The following ARHGAP33 variants were observed in gnomAD, a reference collection of about 807,000 sequenced individuals.
ARHGAP33 encodes rho GTPase-activating protein 33.
A neutral mutation model predicts 126.2 loss-of-function variants in ARHGAP33; 57 were observed. The ratio of observed to expected loss-of-function variants is 0.45; its 90% CI spans 0.36 to 0.56. The LOEUF is 0.56. Among genes scored for constraint, ARHGAP33 ranks in the 20% least tolerant of loss-of-function variants. The pLI is 0.00. For synonymous variants in ARHGAP33, 711 were observed against 755.0 expected (o/e 0.94, Z 0.95); for missense variants, 1,500 against 1,748.3 (o/e 0.86, Z 2.53).
At chr19:35,778,229 G>A (rs1240415711) in intron 3 of ARHGAP33, 51 bp from the exon 4 acceptor site, 1 of 1,592,234 alleles carries the variant, frequency 6.3e-7, no homozygotes, top group South Asian at 1.1e-5. Context: ...CCATCCCCAG[G>A]AGGTCAGGAC....
chr19:35,778,795 T>C (rs1005961185), intron 5 of ARHGAP33, 194 bp downstream of exon 5: 7 of 990,946 alleles, frequency 7.1e-6, no homozygotes, highest in Middle Eastern at 3.2e-4. Context: ...TTTAGGATCA[T>C]GGGGAGTTCC....
Position 35,782,561 on chromosome 19 carries a change from T to C in ARHGAP33, c.1231-36T>C, listed in dbSNP as rs772270303. On this transcript the variant is annotated intron_variant, in intron 13 of 20. Transcript: ENST00000007510. The surrounding 1 kb of genome is among the most constrained non-coding windows in gnomAD (Gnocchi z 4.1). ...GGGACGGAGGGGGCCGGGACGCCTC[T>C]GGCCCAGACCTCATCACACCTGCCC... 1 of 1,613,686 alleles carries C rather than the reference T, an allele frequency of 6.2e-7. No individual in the cohort carries two copies. Among genetic ancestry groups the C allele is most frequent in the South Asian group, 1.1e-5 (1 of 90,992 alleles).
In ARHGAP33 at chr19:35,788,311, A is replaced by G. The variant is rs757034352; in HGVS notation, c.3746A>G (p.His1249Arg). ...GCCTACGGAAGGGGGGGCGAGCTCCACCGAGGGTCCTTGTACAGAAATGGA... is the reference window on the plus strand; with the variant it reads ...GCCTACGGAAGGGGGGGCGAGCTCCGCCGAGGGTCCTTGTACAGAAATGGA... ...PPAYGRGGEL[H>R]RGSLYRNGGQ... Residue 1249 changes from histidine to arginine, a missense_variant, in exon 21 of 21, where the codon CAC becomes CGC. Physicochemically the swap from His to Arg is conservative, Grantham distance 29 (BLOSUM62 0). This residue lies in a region of ARHGAP33 where 642 missense variants were observed against 634.0 expected (regional missense o/e 1.01). Coordinates refer to ENST00000007510, the MANE Select transcript of ARHGAP33 (RefSeq NM_001366178.1). 86 of 1,608,574 alleles carry G rather than the reference A, an allele frequency of 5.3e-5. No homozygotes were observed. The highest frequency in any genetic ancestry group is 6.6e-5 in the Non-Finnish European group (78 of 1,178,460).
Position 35,785,175 on chromosome 19 carries a change from C to G in ARHGAP33, c.1722-14C>G. On this transcript the variant is annotated splice_polypyrimidine_tract_variant and intron_variant, in intron 17 of 20. Transcript: ENST00000007510. ...GTTCCTCAGACGGCCTCCTGTTTCT[C>G]CCCCAAACCGCAGGAGGAAAGGGGA... is the stretch of plus-strand genomic sequence containing the variant. 1 of 1,575,756 alleles carries G rather than the reference C, an allele frequency of 6.3e-7. No individual in the cohort carries two copies. The highest frequency in any genetic ancestry group is 8.6e-7 in the Non-Finnish European group (1 of 1,156,780).
At chr19:35,780,157 C>T in intron 6 of ARHGAP33, 54 bp from the exon 7 acceptor site, 1 of 1,598,312 alleles carries the variant, frequency 6.3e-7, no homozygotes, top group Non-Finnish European at 8.5e-7. Flanking sequence ...CTTGGTATGC[C>T]TGCACTAACA....
chr19:35,784,928 G>C, intron 16 of ARHGAP33, 25 bp from the exon 17 acceptor site: 1 of 1,527,398 alleles, frequency 6.5e-7, no homozygotes, highest in Non-Finnish European at 8.8e-7. Flanking sequence ...AGAGCTGACA[G>C]CTGCCCCCTT....
In ARHGAP33 at chr19:35,786,246, C is replaced by T. The variant is rs1295357793; in HGVS notation, c.1943-167C>T. On this transcript the variant is annotated intron_variant, in intron 19 of 20. Coordinates refer to ENST00000007510, the MANE Select transcript of ARHGAP33 (RefSeq NM_001366178.1). The surrounding 1 kb of genome is among the most constrained non-coding windows in gnomAD (Gnocchi z 7.0). Reference sequence around the variant, plus strand: ...AGCCACAGGGCCTTCGTGCTTTGGGCCGGAAGTGTCCTCTTCATGGTCTCC... The same window carrying T: ...AGCCACAGGGCCTTCGTGCTTTGGGTCGGAAGTGTCCTCTTCATGGTCTCC... 13 of 1,425,062 alleles carry T rather than the reference C, an allele frequency of 9.1e-6. No individual in the cohort carries two copies. The East Asian group carries it at 2.8e-4, about 30-fold the overall frequency. 88.3% of individuals were successfully genotyped at this position (1,425,062 alleles called of 1,614,324 possible).
At chr19:35,781,299 C>A in intron 12 of ARHGAP33, 47 bp downstream of exon 12, 2 of 1,572,002 alleles carry the variant, frequency 1.3e-6, no homozygotes, top group Non-Finnish European at 1.8e-6. Flanking sequence ...ACTCACCCAG[C>A]ACCTCCACTC....
At position 35,786,045 on chromosome 19, in the gene ARHGAP33, G is replaced by C. The variant is rs750993385; in HGVS notation, c.1943-368G>C. On this transcript the variant is annotated intron_variant, in intron 19 of 20. Coordinates refer to ENST00000007510, the MANE Select transcript of ARHGAP33 (RefSeq NM_001366178.1). The surrounding 1 kb of genome is among the most constrained non-coding windows in gnomAD (Gnocchi z 7.0). ...CTGGGTGCTGCTCTCCGACCTCTGC[G>C]GGGGGCTGCTTATCCACCCCACCCA... The C allele has an allele frequency of 3.5e-6, 4 of 1,152,700 alleles. No individual in the cohort carries two copies. In the Admixed American group the frequency reaches 1.3e-4, roughly 38 times the overall value. The allele number at this position is 1,152,700 out of a possible 1,614,324, so 71.4% of individuals were successfully genotyped here.
chr19:35,781,475 C>T (rs879509532), intron 12 of ARHGAP33, among the ~76,000 whole-genome samples: 1 of 152,172 alleles, frequency 6.6e-6, no homozygotes, highest in Non-Finnish European at 1.5e-5. Context: ...GCACTGGGGA[C>T]GCAGCAGTGA....
intron 1 of ARHGAP33, among the ~76,000 whole-genome samples, chr19:35,776,970 G>A (rs145689925): frequency 1.3e-5 from 2 of 152,316 alleles, no homozygotes; most frequent in African/African-American, 4.8e-5. Flanking sequence ...CCAGGGAAAG[G>A]TGGGGCGAGT....
rs761041538 is a variant in ARHGAP33 at position 35,782,412 on chromosome 19, C to G, written c.1125C>G (p.Gly375=). The change falls in exon 13 of 21, where the codon GGC becomes GGG. Residue 375 remains glycine, a synonymous_variant. Transcript: ENST00000007510. This position sits in a 1 kb window ranked among gnomAD's most constrained non-coding sequence, Gnocchi z 4.1. ...GTGAGAGGATCCCGGAGCTGTCTGGCCCTGCATTCCTGCAGGACATCCACA... is the reference window on the plus strand; with the variant it reads ...GTGAGAGGATCCCGGAGCTGTCTGGGCCTGCATTCCTGCAGGACATCCACA... ...FDSERIPELS[G]PAFLQDIHSV... is the part of the protein sequence containing the mutation. 2 of 1,612,226 alleles carry G rather than the reference C, an allele frequency of 1.2e-6. No individual in the cohort carries two copies. Among genetic ancestry groups the G allele is most frequent in the Non-Finnish European group, 1.7e-6 (2 of 1,178,542 alleles).
At chr19:35,784,578 T>A (rs1162042953) in intron 16 of ARHGAP33, 16 of 1,310,206 alleles carry the variant, frequency 1.2e-5, no homozygotes, top group Non-Finnish European at 1.4e-5. Context: ...CTTGGGGCCA[T>A]GGGTCCACCT....
In ARHGAP33 at chr19:35,787,048, C is replaced by T. The variant is rs146722620; in HGVS notation, c.2578C>T (p.Leu860Phe). Residue 860 changes from leucine (L) to phenylalanine (F), a missense_variant, in exon 20 of 21, where the codon CTC becomes TTC. Transcript: ENST00000007510. ...CTGCCAGCAGGAGATGTGCAGCAAG[C>T]TCCGGGGAGCCCAGGGCCCACTCGG... is the stretch of plus-strand genomic sequence containing the variant. Reference protein sequence around the residue: ...DACQQEMCSKLRGAQGPLGPD... With the variant: ...DACQQEMCSKFRGAQGPLGPD... 6.2e-7 allele frequency: 1 copy of T among 1,605,834 alleles called. No individual in the cohort carries two copies. Among genetic ancestry groups the T allele is most frequent in the African/African-American group, 1.3e-5 (1 of 74,752 alleles).
At position 35,779,068 on chromosome 19, in the gene ARHGAP33, CT is replaced by C; in HGVS notation, c.446del (p.Leu149ArgfsTer45). ...VPLLLQYLETLSGLVDSNLNC... is the reference protein window; with the variant it reads ...VPLLLQYLETXSGLVDSNLNC... ...ACTGCTGCTGCAGTACCTGGAGACA[CT>C]GTCAGGACTGGTGGACAGTAACCTC... On this transcript the variant is annotated frameshift_variant, in exon 6 of 21. Transcript: ENST00000007510. LOFTEE classifies it high-confidence loss of function. 1 of 1,551,298 alleles carries C rather than the reference CT, an allele frequency of 6.4e-7. No homozygotes were observed. The highest frequency in any genetic ancestry group is 8.7e-7 in the Non-Finnish European group (1 of 1,147,146).
rs766165109 is a variant in ARHGAP33 at position 35,782,803 on chromosome 19, G to A, written c.1355G>A (p.Arg452Lys). ...YLLRHLARMA[R>K]HSANTSMHAR... is the part of the protein sequence containing the mutation. Reference sequence around the variant, plus strand: ...CTGAGGCACCTGGCCCGCATGGCGAGACACAGTGCCAACACCAGCATGCAT... The same window carrying A: ...CTGAGGCACCTGGCCCGCATGGCGAAACACAGTGCCAACACCAGCATGCAT... Residue 452 changes from arginine to lysine, a missense_variant, in exon 15 of 21, where the codon AGA (arginine) becomes AAA (lysine). Around this residue, in one of 6 missense-constraint regions of ARHGAP33, gnomAD observed 281 missense variants for 413.7 expected, o/e 0.68. Transcript: ENST00000007510. This position sits in a 1 kb window ranked among gnomAD's most constrained non-coding sequence, Gnocchi z 4.1. 3.7e-6 allele frequency: 6 copies of A among 1,613,800 alleles called. No homozygotes were observed. The highest frequency in any genetic ancestry group is 5.1e-6 in the Non-Finnish European group (6 of 1,179,900).
At position 35,780,423 on chromosome 19, in the gene ARHGAP33, G is replaced by A. The variant is rs375787740; in HGVS notation, c.627G>A (p.Val209=). 12 of 1,596,444 alleles carry A rather than the reference G, an allele frequency of 7.5e-6. No individual in the cohort carries two copies. Among genetic ancestry groups the A allele is most frequent in the Admixed American group, 1.7e-5 (1 of 58,574 alleles). Residue 209 remains valine, a splice_region_variant and synonymous_variant, in exon 8 of 21, where the codon GTG becomes GTA. Transcript: ENST00000007510. ...AQAPDELSFE[V]GDIVSVIDMP... ...TCTTCCCACCCGCCCTCTCCCAGGT[G>A]GGAGACATTGTCTCGGTGATCGACA...
In ARHGAP33 at chr19:35,777,688, T is replaced by A; in HGVS notation, c.50T>A (p.Val17Glu). ...DSLDGPGEGSVQPLPTAGGPS... is the reference protein window; with the variant it reads ...DSLDGPGEGSEQPLPTAGGPS... ...CTGGATGGCCCAGGGGAGGGCTCGGTGCAGCCTCTACCCACTGCTGGGGGG... is the reference window on the plus strand; with the variant it reads ...CTGGATGGCCCAGGGGAGGGCTCGGAGCAGCCTCTACCCACTGCTGGGGGG... Residue 17 changes from valine (V) to glutamate (E), a missense_variant, in exon 2 of 21, where the codon GTG becomes GAG. This residue lies in a region of ARHGAP33 where 129 missense variants were observed against 145.9 expected (regional missense o/e 0.88). Coordinates refer to ENST00000007510, the MANE Select transcript of ARHGAP33 (RefSeq NM_001366178.1). 6.3e-7 allele frequency: 1 copy of A among 1,594,958 alleles called. No homozygotes were observed. The highest frequency in any genetic ancestry group is 2.3e-5 in the East Asian group (1 of 44,318).
At position 35,786,389 on chromosome 19, in the gene ARHGAP33, G is replaced by C; in HGVS notation, c.1943-24G>C. ...GCTGTGCGCCCTGTTCTCAGGGATG[G>C]TCTCACTGACCCCACCCCTCCAGGC... On this transcript the variant is annotated intron_variant, in intron 19 of 20. Coordinates refer to ENST00000007510, the MANE Select transcript of ARHGAP33 (RefSeq NM_001366178.1). The surrounding 1 kb of genome is among the most constrained non-coding windows in gnomAD (Gnocchi z 7.0). 6.6e-7 allele frequency: 1 copy of C among 1,514,594 alleles called. No homozygotes were observed. Among genetic ancestry groups the C allele is most frequent in the Admixed American group, 2.0e-5 (1 of 49,658 alleles). The allele number at this position is 1,514,594 out of a possible 1,614,324, so 93.8% of individuals were successfully genotyped here.
Sources: gnomAD v4.1 joint callset for allele counts (sites outside exome capture counted in the v4.1 genomes callset) on GRCh38, gnomAD v4.1.1 for gene constraint, gnomAD v4.1.1 regional missense constraint, Gnocchi (gnomAD v3.1) non-coding constraint, MANE v1.5 for transcripts, NCBI Gene and HGNC (gene_info 2026-07-23, HGNC 2026-07-21) for gene names.